NF2: variants seen among roughly 807,000 people sequenced by gnomAD.
The protein encoded by NF2 is NF2, moesin-ezrin-radixin like (MERLIN) tumor suppressor.
Under a neutral mutation model 83.7 loss-of-function variants are expected in NF2, and 8 were observed. The observed-to-expected ratio is 0.10, with a 90% CI of 0.06 to 0.17. The LOEUF (loss-of-function observed/expected upper bound fraction) is 0.17. NF2 is among the 10% of genes least tolerant of loss of function. The probability of loss-of-function intolerance (pLI) is 1.00; values close to 1 mark genes in which losing one functional copy is unlikely to be tolerated. For missense variants in NF2, 533 were observed against 744.4 expected (o/e 0.72, Z 3.31); for synonymous variants, 266 against 269.6 (o/e 0.99, Z 0.13).
chr22:29,607,152 C>G (rs1162166133), intron 1 of NF2, among the ~76,000 whole-genome samples: 1 of 152,078 alleles, frequency 6.6e-6, no homozygotes, highest in Non-Finnish European at 1.5e-5. Flanking sequence ...ACAGGTACCC[C>G]CAACATGTGT....
intron 13 of NF2, among the ~76,000 whole-genome samples, chr22:29,677,569 C>T (rs1485104293): frequency 1.4e-5 from 2 of 138,570 alleles, no homozygotes; most frequent in African/African-American, 5.1e-5. Flanking sequence ...AGCCCAAGCC[C>T]CTCGGTGGGC....
chr22:29,628,779 C>T (rs541578569), intron 1 of NF2, among the ~76,000 whole-genome samples: 11 of 152,014 alleles, frequency 7.2e-5, no homozygotes, highest in East Asian at 5.8e-4. Flanking sequence ...TACAGGTATG[C>T]GCCACCACGC....
At position 29,628,625 on chromosome 22, in the gene NF2, ATCTT is replaced by A. The variant is rs1416853721; in HGVS notation, c.115-8124_115-8121del. 2.8e-3 allele frequency among the ~76,000 whole-genome samples: 361 copies of A among 126,812 alleles called. 2 individuals carry two copies. Among genetic ancestry groups the A allele is most frequent in the African/African-American group, 0.01 (344 of 33,684 alleles). 83.2% of individuals were successfully genotyped at this position (126,812 alleles called of 152,430 possible). A position where few individuals can be genotyped will look rare whatever the true frequency, so the allele number is the denominator to read the frequency against. Reference sequence around the variant, plus strand: ...AAAGAGGAGCTTTCAAGTTTGTGACATCTTTTTTTTTTTTTTTTTTTTTTTGAGA... The same window carrying A: ...AAAGAGGAGCTTTCAAGTTTGTGACATTTTTTTTTTTTTTTTTTTTTGAGA... On this transcript the variant is annotated intron_variant, in intron 1 of 15. Transcript: ENST00000338641.
intron 10 of NF2, among the ~76,000 whole-genome samples, chr22:29,671,435 A>C (rs545254167): frequency 1.3e-5 from 2 of 152,264 alleles, no homozygotes; most frequent in African/African-American, 4.8e-5. Context: ...AGGCTGAGGC[A>C]GGAGAATTGA....
rs1163044481 is a variant in NF2, at chr22:29,694,818, C to T, written c.*16C>T. 1 of 1,611,290 alleles carries T rather than the reference C, an allele frequency of 6.2e-7. No individual in the cohort carries two copies. Among genetic ancestry groups the T allele is most frequent in the Non-Finnish European group, 8.5e-7 (1 of 1,178,822 alleles). On this transcript the variant is annotated 3_prime_UTR_variant, in exon 16 of 16. Transcript: ENST00000338641. This position sits in a 1 kb window ranked among gnomAD's most constrained non-coding sequence, Gnocchi z 4.1. ...AGAGCTCTAGCAGGTGACCCAGCCACCCCAGGACCTGCCACTTCTCCTGCT... is the reference window on the plus strand; with the variant it reads ...AGAGCTCTAGCAGGTGACCCAGCCATCCCAGGACCTGCCACTTCTCCTGCT...
intron 1 of NF2, among the ~76,000 whole-genome samples, chr22:29,622,342 A>G (rs1050796860): frequency 3.3e-5 from 5 of 152,142 alleles, no homozygotes; most frequent in Admixed American, 1.3e-4. Flanking sequence ...TAAGTGAATC[A>G]TTTTCACTTG....
intron 1 of NF2, among the ~76,000 whole-genome samples, chr22:29,635,307 T>C (rs753688147): frequency 5.3e-5 from 8 of 152,184 alleles, no homozygotes; most frequent in Non-Finnish European, 1.2e-4. Flanking sequence ...CTTGGTTTTA[T>C]AGCAAGTCTC....
intron 1 of NF2, among the ~76,000 whole-genome samples, chr22:29,614,005 C>T (rs1270832504): frequency 1.3e-5 from 2 of 151,066 alleles, no homozygotes; most frequent in Admixed American, 1.3e-4. Context: ...GATCCACCTG[C>T]CTCAGCCTCC....
At chr22:29,646,172 T>G (rs1159598219) in intron 4 of NF2, among the ~76,000 whole-genome samples, 1 of 152,252 alleles carries the variant, frequency 6.6e-6, no homozygotes, top group Non-Finnish European at 1.5e-5. Context: ...TATGCCTGTT[T>G]TGCAGATGAG....
chr22:29,655,615 A>G lies in NF2; in HGVS notation c.538A>G (p.Thr180Ala), dbSNP rs745315897. ...GTAGGTAATAAATCTGTATCAGATG[A>G]CTCCGGAAATGTGGGAGGAGAGAAT... Reference protein sequence around the residue: ...PKRVINLYQMTPEMWEERITA... With the variant: ...PKRVINLYQMAPEMWEERITA... Residue 180 changes from threonine (T) to alanine (A), a missense_variant, in exon 6 of 16, where the codon ACT (threonine) becomes GCT (alanine). Coordinates refer to ENST00000338641, the MANE Select transcript of NF2 (RefSeq NM_000268.4). The G allele has an allele frequency of 1.9e-6, 3 of 1,613,388 alleles. No homozygotes were observed. The highest frequency in any genetic ancestry group is 2.5e-6 in the Non-Finnish European group (3 of 1,179,878).
At chr22:29,605,206 A>C (rs1441002848) in intron 1 of NF2, among the ~76,000 whole-genome samples, 1 of 140,058 alleles carries the variant, frequency 7.1e-6, no homozygotes, top group Non-Finnish European at 1.5e-5. Flanking sequence ...CCCAGAGTGC[A>C]CCGGGCTAGA....
intron 4 of NF2, among the ~76,000 whole-genome samples, chr22:29,645,764 AC>A (rs1185241754): frequency 6.6e-6 from 1 of 152,294 alleles, no homozygotes; most frequent in East Asian, 1.9e-4. Flanking sequence ...GAAAAAAATT[AC>A]TTTTCAGTGA....
intron 7 of NF2, among the ~76,000 whole-genome samples, chr22:29,660,842 C>G (rs2066458328): frequency 6.6e-6 from 1 of 152,240 alleles, no homozygotes; most frequent in South Asian, 2.1e-4. Context: ...GCTGGGATTA[C>G]AGGCATGAGC....
chr22:29,639,036 C>G lies in NF2; in HGVS notation c.241-54C>G. On this transcript the variant is annotated intron_variant, in intron 2 of 15. Coordinates refer to ENST00000338641, the MANE Select transcript of NF2 (RefSeq NM_000268.4). ...CTTGCAAAGGCTTCTTTGAGGGTAG[C>G]ACAGGAGGAAGTGCCAATATAGTGT... 2.5e-6 allele frequency: 4 copies of G among 1,613,500 alleles called. No individual in the cohort carries two copies. In the South Asian group the frequency reaches 3.3e-5, roughly 13 times the overall value.
chr22:29,650,917 C>T (rs1403037813), intron 4 of NF2, among the ~76,000 whole-genome samples: 4 of 152,084 alleles, frequency 2.6e-5, no homozygotes, highest in Admixed American at 6.6e-5. Flanking sequence ...CATCTTTTTC[C>T]GATTGATTTG....
intron 2 of NF2, 30 bp from the exon 3 acceptor site, chr22:29,639,060 G>C: frequency 6.2e-7 from 1 of 1,614,164 alleles, no homozygotes; most frequent in Non-Finnish European, 8.5e-7. Flanking sequence ...CCAATATAGT[G>C]TGTTTGTCTT....
chr22:29,641,911 C>A (rs2531849), intron 3 of NF2, among the ~76,000 whole-genome samples: 1 of 152,084 alleles, frequency 6.6e-6, no homozygotes, highest in East Asian at 1.9e-4. Context: ...TCATAGCGCT[C>A]TGTCACACAG....
intron 1 of NF2, among the ~76,000 whole-genome samples, chr22:29,621,042 T>C (rs2065206594): frequency 6.6e-6 from 1 of 152,164 alleles, no homozygotes; most frequent in Non-Finnish European, 1.5e-5. Flanking sequence ...AGAGGCAGAA[T>C]AGGACAGGGA....
chr22:29,632,398 C>T (rs1031646342), intron 1 of NF2, among the ~76,000 whole-genome samples: 1 of 152,140 alleles, frequency 6.6e-6, no homozygotes, highest in Admixed American at 6.6e-5. Flanking sequence ...ATGTCATTTC[C>T]CTACCTGCCC....
Sources: allele counts gnomAD v4.1 joint callset (sites outside exome capture counted in the v4.1 genomes callset), GRCh38; gene constraint gnomAD v4.1.1; non-coding constraint Gnocchi (gnomAD v3.1); transcripts MANE v1.5; gene names NCBI Gene and HGNC (gene_info 2026-07-23, HGNC 2026-07-21).